Variants in GPC5 observed in about 807,000 individuals in gnomAD.
The protein encoded by GPC5 is glypican 5, also known as glypican-5.
Under a neutral mutation model 53.9 loss-of-function variants are expected in GPC5, and 47 were observed. That is an observed-to-expected ratio of 0.87 (90% CI 0.69 to 1.11). The LOEUF (loss-of-function observed/expected upper bound fraction) is 1.11. Ranked by LOEUF, GPC5 falls within the 50% of genes most tolerant of loss-of-function variation. The pLI is 0.00. For missense variants in GPC5, 748 were observed against 713.1 expected (o/e 1.05, Z -0.56); for synonymous variants, 286 against 263.3 (o/e 1.09, Z -0.84).
intron 2 of GPC5, among the ~76,000 whole-genome samples, chr13:91,505,392 T>A (rs1015251286): frequency 6.6e-6 from 1 of 152,216 alleles, no homozygotes. Flanking sequence ...ATGTAATAGA[T>A]GTAAACCCAA....
chr13:92,228,557 T>G (rs1410202755), intron 7 of GPC5, among the ~76,000 whole-genome samples: 1 of 152,152 alleles, frequency 6.6e-6, no homozygotes, highest in Non-Finnish European at 1.5e-5. Context: ...TGGTTTCAAG[T>G]GCTTTTCATA....
intron 6 of GPC5, among the ~76,000 whole-genome samples, chr13:92,071,816 C>T (rs7985171): frequency 0.37 from 54,389 of 146,832 alleles, 10,904 homozygotes; most frequent in Admixed American, 0.47. Context: ...AAATCTCTAA[C>T]GGAAATAATA....
intron 7 of GPC5, among the ~76,000 whole-genome samples, chr13:92,494,748 A>G (rs1879905757): frequency 1.3e-5 from 2 of 152,166 alleles, no homozygotes; most frequent in African/African-American, 4.8e-5. Context: ...CTTTGGTTAC[A>G]GTAACATTAC....
chr13:92,823,025 T>C lies in GPC5; in HGVS notation c.1562-43257T>C, dbSNP rs539557152. On this transcript the variant is annotated intron_variant, in intron 7 of 7. Coordinates refer to ENST00000377067, the MANE Select transcript of GPC5 (RefSeq NM_004466.6). ...GAAGATACTACCAGGTCTCTTGGCA[T>C]TTTTTTCCACTAAAAGATTAAAAAA... Among the ~76,000 whole-genome samples the C allele has an allele frequency of 7.9e-5, 12 of 152,036 alleles. No individual in the cohort carries two copies. In the East Asian group the frequency reaches 1.5e-3, roughly 20 times the overall value.
chr13:92,487,756 A>G (rs939806394), intron 7 of GPC5, among the ~76,000 whole-genome samples: 1 of 151,616 alleles, frequency 6.6e-6, no homozygotes, highest in Non-Finnish European at 1.5e-5. Context: ...GCTTGCTGAG[A>G]GTTGTGAGAC....
chr13:92,634,635 C>T (rs1471576726), intron 7 of GPC5, among the ~76,000 whole-genome samples: 2 of 151,964 alleles, frequency 1.3e-5, no homozygotes, highest in African/African-American at 2.4e-5. Context: ...ATTCTTAGCT[C>T]CTCATTTATT....
intron 6 of GPC5, among the ~76,000 whole-genome samples, chr13:92,132,014 A>G (rs1247632580): frequency 2.0e-5 from 3 of 152,128 alleles, no homozygotes; most frequent in Admixed American, 6.6e-5. Flanking sequence ...AAACAGTTCA[A>G]TTGTCCACCA....
chr13:91,957,410 A>G (rs1236948066), intron 6 of GPC5, among the ~76,000 whole-genome samples: 1 of 152,172 alleles, frequency 6.6e-6, no homozygotes, highest in Non-Finnish European at 1.5e-5. Context: ...CTATTTAATG[A>G]AATAATAGCT....
intron 2 of GPC5, among the ~76,000 whole-genome samples, chr13:91,557,984 A>G (rs1166549597): frequency 6.6e-6 from 1 of 152,158 alleles, no homozygotes; most frequent in African/African-American, 2.4e-5. Flanking sequence ...TTTTGCAATA[A>G]GGAAAAACTC....
At chr13:92,484,072 C>T (rs746708508) in intron 7 of GPC5, among the ~76,000 whole-genome samples, 13 of 152,144 alleles carry the variant, frequency 8.5e-5, no homozygotes, top group Non-Finnish European at 1.6e-4. Context: ...CAAGAGTTTA[C>T]GGCTACAGTG....
At chr13:92,228,857 T>C (rs571599522) in intron 7 of GPC5, among the ~76,000 whole-genome samples, 1 of 152,138 alleles carries the variant, frequency 6.6e-6, no homozygotes, top group South Asian at 2.1e-4. Flanking sequence ...CCAAGGGAGG[T>C]AACCAGGGAA....
intron 7 of GPC5, among the ~76,000 whole-genome samples, chr13:92,720,247 T>C (rs1004743126): frequency 2.0e-5 from 3 of 152,174 alleles, no homozygotes. Flanking sequence ...TGAGATGCCA[T>C]TGAAGGGCTG....
chr13:92,174,157 A>C (rs2042090879), intron 7 of GPC5, among the ~76,000 whole-genome samples: 2 of 151,998 alleles, frequency 1.3e-5, no homozygotes, highest in Non-Finnish European at 2.9e-5. Context: ...CTTGCTGATA[A>C]AAGTCATCTT....
chr13:92,117,829 A>G (rs533107485), intron 6 of GPC5, among the ~76,000 whole-genome samples: 1 of 152,324 alleles, frequency 6.6e-6, no homozygotes, highest in Admixed American at 6.5e-5. Context: ...AAACTCACAT[A>G]TTGAGCATTT....
chr13:91,921,610 A>G (rs574635273), intron 6 of GPC5, among the ~76,000 whole-genome samples: 41 of 152,124 alleles, frequency 2.7e-4, no homozygotes, highest in African/African-American at 9.2e-4. Context: ...CTAAAAATGA[A>G]TACTGTTTTT....
intron 5 of GPC5, among the ~76,000 whole-genome samples, chr13:91,894,497 G>T (rs916521502): frequency 1.3e-5 from 2 of 152,182 alleles, no homozygotes; most frequent in Admixed American, 1.3e-4. Flanking sequence ...CATGTATCTG[G>T]CTGGAGTCCC....
chr13:91,978,162 T>TA (rs1210104186), intron 6 of GPC5, among the ~76,000 whole-genome samples: 1 of 152,144 alleles, frequency 6.6e-6, no homozygotes, highest in Non-Finnish European at 1.5e-5. Context: ...ACATGAGACT[T>TA]ACATTAAATT....
At chr13:92,012,050 T>C (rs1252644759) in intron 6 of GPC5, among the ~76,000 whole-genome samples, 1 of 152,206 alleles carries the variant, frequency 6.6e-6, no homozygotes, top group African/African-American at 2.4e-5. Flanking sequence ...GGTAATTCAA[T>C]GTAGAACTTC....
At chr13:91,705,346 C>T (rs1027833878) in intron 3 of GPC5, among the ~76,000 whole-genome samples, 1 of 152,100 alleles carries the variant, frequency 6.6e-6, no homozygotes, top group Non-Finnish European at 1.5e-5. Flanking sequence ...TGCTATTCTC[C>T]TTATTCTATT....
Sources: allele counts gnomAD v4.1 joint callset (sites outside exome capture counted in the v4.1 genomes callset), GRCh38; gene constraint gnomAD v4.1.1; transcripts MANE v1.5; gene names NCBI Gene and HGNC (gene_info 2026-07-23, HGNC 2026-07-21).